ROBO2: variants seen among roughly 807,000 people sequenced by gnomAD.
ROBO2 encodes roundabout guidance receptor 2.
Under a neutral mutation model 160.8 loss-of-function variants are expected in ROBO2, and 53 were observed. The ratio of observed to expected loss-of-function variants is 0.33; its 90% CI spans 0.26 to 0.41. The LOEUF is 0.41. Among genes scored for constraint, ROBO2 ranks in the 10% least tolerant of loss-of-function variants. The pLI is 1.00. For missense variants in ROBO2, 1,577 were observed against 1,722.4 expected, an observed-to-expected ratio of 0.92 and a Z score of 1.49; for synonymous variants, 664 against 611.7, an observed-to-expected ratio of 1.09 and a Z score of -1.26.
In ROBO2 at chr3:77,633,324, A is replaced by G. The variant is rs565564878; in HGVS notation, c.3761-1546A>G. ...TTCTGAGAGTGATAAGTAATCATATAAAAGAACAATTATATAATTTTTCAA... is the reference window on the plus strand; with the variant it reads ...TTCTGAGAGTGATAAGTAATCATATGAAAGAACAATTATATAATTTTTCAA... On this transcript the variant is annotated intron_variant, in intron 23 of 25. Transcript: ENST00000461745. 6 of 152,330 alleles carry G rather than the reference A, an allele frequency of 3.9e-5. No homozygotes were observed. The East Asian group carries it at 9.6e-4, about 24-fold the overall frequency. 9.4% of individuals were successfully genotyped at this position (152,330 alleles called of 1,614,324 possible). A position where few individuals can be genotyped will look rare whatever the true frequency, so the allele number is the denominator to read the frequency against.
intron 2 of ROBO2, among the ~76,000 whole-genome samples, chr3:76,616,634 C>T (rs1303511010): frequency 6.6e-6 from 1 of 152,178 alleles, no homozygotes; most frequent in East Asian, 1.9e-4. Context: ...CTGTTGTCCT[C>T]TCCCAGAGGA....
intron 2 of ROBO2, among the ~76,000 whole-genome samples, chr3:76,448,991 A>G (rs1010028114): frequency 2.0e-5 from 3 of 152,150 alleles, no homozygotes; most frequent in Non-Finnish European, 2.9e-5. Context: ...TTACAAAGCA[A>G]TTTTTAAATT....
chr3:76,654,046 A>C (rs1328348533), intron 2 of ROBO2, among the ~76,000 whole-genome samples: 1 of 152,184 alleles, frequency 6.6e-6, no homozygotes, highest in East Asian at 1.9e-4. Context: ...AGGGAATCCC[A>C]TTTATCAGCC....
intron 2 of ROBO2, among the ~76,000 whole-genome samples, chr3:76,010,544 T>C (rs986555965): frequency 2.0e-5 from 3 of 152,244 alleles, no homozygotes; most frequent in African/African-American, 7.2e-5. Flanking sequence ...CCTACTAGGC[T>C]GAAAGCCATA....
intron 2 of ROBO2, among the ~76,000 whole-genome samples, chr3:76,232,005 C>A (rs890819679): frequency 7.9e-5 from 12 of 152,170 alleles, no homozygotes; most frequent in African/African-American, 2.9e-4. Flanking sequence ...AGATTAAAGG[C>A]TAACTTGCTC....
rs71104611 is a variant in ROBO2, at chr3:76,642,341, C to CTTTTTTT, written c.110-455650_110-455644dup. Reference sequence around the variant, plus strand: ...GCTAATTCAGAAATATTTACACTTGCTTTTTTTTTTTTTTTTTTTTTTTTT... The same window carrying CTTTTTTT: ...GCTAATTCAGAAATATTTACACTTGCTTTTTTTTTTTTTTTTTTTTTTTTTTTTTTTT... On this transcript the variant is annotated intron_variant, in intron 2 of 26. Transcript: ENST00000487694. 1.1e-3 allele frequency among the ~76,000 whole-genome samples: 70 copies of CTTTTTTT among 62,222 alleles called. 9 individuals carry two copies. Among genetic ancestry groups the CTTTTTTT allele is most frequent in the African/African-American group, 3.4e-3 (47 of 13,912 alleles). The allele number at this position is 62,222 out of a possible 152,430, so 40.8% of individuals were successfully genotyped here. A position where few individuals can be genotyped will look rare whatever the true frequency, so the allele number is the denominator to read the frequency against.
At chr3:77,556,067 A>G (rs967122487) in intron 8 of ROBO2, among the ~76,000 whole-genome samples, 3 of 107,214 alleles carry the variant, frequency 2.8e-5, no homozygotes, top group Non-Finnish European at 6.3e-5. Flanking sequence ...CTGCATAGGT[A>G]TTTAATTTGG....
intron 2 of ROBO2, among the ~76,000 whole-genome samples, chr3:77,403,999 C>G (rs1382773242): frequency 3.3e-5 from 5 of 152,098 alleles, no homozygotes; most frequent in South Asian, 2.1e-4. Flanking sequence ...AAAACACTAG[C>G]ACCAGCATCC....
intron 2 of ROBO2, among the ~76,000 whole-genome samples, chr3:76,104,676 C>A (rs899471692): frequency 2.0e-5 from 3 of 152,172 alleles, no homozygotes; most frequent in African/African-American, 7.2e-5. Context: ...GACACTATCA[C>A]ACATTTTCAG....
At chr3:76,391,499 C>T (rs1395743507) in intron 2 of ROBO2, among the ~76,000 whole-genome samples, 1 of 150,580 alleles carries the variant, frequency 6.6e-6, no homozygotes, top group African/African-American at 2.5e-5. Flanking sequence ...AATGTCATAA[C>T]ATCTTCCTCA....
At chr3:76,508,051 T>C (rs1391320114) in intron 2 of ROBO2, among the ~76,000 whole-genome samples, 1 of 152,178 alleles carries the variant, frequency 6.6e-6, no homozygotes, top group African/African-American at 2.4e-5. Flanking sequence ...ATAAAATACA[T>C]GTTTTTATGT....
chr3:77,542,407 G>C (rs2092507802), intron 6 of ROBO2, among the ~76,000 whole-genome samples: 1 of 152,146 alleles, frequency 6.6e-6, no homozygotes, highest in Non-Finnish European at 1.5e-5. Context: ...AATATGATTA[G>C]ATGATTTTAG....
chr3:77,588,384 T>A lies in ROBO2; in HGVS notation c.2501-367T>A, dbSNP rs148531455. On this transcript the variant is annotated intron_variant, in intron 16 of 25. Coordinates refer to ENST00000461745, the Ensembl canonical transcript of ROBO2. ...ATTTGCAAATACCCCATGTTAAAAG[T>A]TGTAATTGCTTTCTTAAAAATGAGA... Among the ~76,000 whole-genome samples the A allele has an allele frequency of 2.8e-3, 432 of 152,206 alleles. 4 individuals are homozygous for A. The highest frequency in any genetic ancestry group is 9.9e-3 in the African/African-American group (412 of 41,582).
rs183130939 is a variant in ROBO2, at chr3:76,387,225, C to T, written c.109+449623C>T. 7.2e-5 allele frequency among the ~76,000 whole-genome samples: 11 copies of T among 152,190 alleles called. No individual in the cohort carries two copies. In the East Asian group the frequency reaches 2.1e-3, roughly 30 times the overall value. ...TGGGGGCGGAGGCTCTTAAAGGCCC[C>T]ACCTCCCAATCCTGTTGGGTTGGGT... is the stretch of plus-strand genomic sequence containing the variant. On this transcript the variant is annotated intron_variant, in intron 2 of 26. Coordinates refer to the ROBO2 transcript ENST00000487694.
intron 2 of ROBO2, among the ~76,000 whole-genome samples, chr3:76,330,485 A>G (rs1278089159): frequency 6.6e-6 from 1 of 152,224 alleles, no homozygotes; most frequent in Non-Finnish European, 1.5e-5. Flanking sequence ...ACTTAGTTTT[A>G]TAACAGAAAT....
intron 2 of ROBO2, among the ~76,000 whole-genome samples, chr3:76,035,307 A>T (rs1001275421): frequency 5.9e-5 from 9 of 151,696 alleles, no homozygotes; most frequent in African/African-American, 2.2e-4. Context: ...TTTGATACTG[A>T]GTCTTCCTAG....
At chr3:77,155,839 CTTG>C (rs1384113231) in intron 2 of ROBO2, among the ~76,000 whole-genome samples, 1 of 151,988 alleles carries the variant, frequency 6.6e-6, no homozygotes, top group South Asian at 2.1e-4. Context: ...CTTTAAAGTA[CTTG>C]TTATCTTTGC....
chr3:76,177,619 T>C (rs2073277174), intron 2 of ROBO2, among the ~76,000 whole-genome samples: 1 of 152,180 alleles, frequency 6.6e-6, no homozygotes, highest in Admixed American at 6.5e-5. Context: ...CTTATTACCT[T>C]TTTCTCCTAG....
rs998323729 is a variant in ROBO2 at position 77,103,974 on chromosome 3, C to T, written c.388+5634C>T. ...AAATGCATCTTATCTAGGCAAAATA[C>T]CTTTACACATCATAAAGACACAAGA... On this transcript the variant is annotated intron_variant, in intron 2 of 25. Coordinates refer to ENST00000461745, the Ensembl canonical transcript of ROBO2. 1.4e-4 allele frequency among the ~76,000 whole-genome samples: 21 copies of T among 151,986 alleles called. 1 individual carries two copies. Among genetic ancestry groups the T allele is most frequent in the African/African-American group, 4.6e-4 (19 of 41,368 alleles).
Sources: allele counts gnomAD v4.1 joint callset (sites outside exome capture counted in the v4.1 genomes callset), GRCh38; gene constraint gnomAD v4.1.1; transcripts MANE v1.5; gene names NCBI Gene and HGNC (gene_info 2026-07-23, HGNC 2026-07-21).